The following HARS2 variants were observed in gnomAD, a reference collection of about 807,000 sequenced individuals.
HARS2 encodes the protein histidine--tRNA ligase, mitochondrial.
Under a neutral mutation model 62.4 loss-of-function variants are expected in HARS2, and 40 were observed. The ratio of observed to expected loss-of-function variants is 0.64; its 90% CI spans 0.50 to 0.83. HARS2 has a LOEUF of 0.83. Among genes scored for constraint, HARS2 ranks in the 40% least tolerant of loss-of-function variants. The pLI, the probability that HARS2 is intolerant of heterozygous loss-of-function variation, is 0.00. For synonymous variants in HARS2, 228 were observed against 227.0 expected (o/e 1.00, Z -0.04); for missense variants, 569 against 626.4 (o/e 0.91, Z 0.98).
At position 140,698,041 on chromosome 5, in the gene HARS2, G is replaced by C; in HGVS notation, c.1424G>C (p.Gly475Ala). 1 of 1,614,184 alleles carries C rather than the reference G, an allele frequency of 6.2e-7. No individual in the cohort carries two copies. The highest frequency in any genetic ancestry group is 1.1e-5 in the South Asian group (1 of 91,084). Residue 475 changes from glycine (G) to alanine (A), a missense_variant, in exon 12 of 13, where the codon GGG becomes GCG. By Grantham distance (60) the Gly-to-Ala change is moderately conservative (BLOSUM62 0). Transcript: ENST00000230771. ...VIIGEQELKE[G>A]VIKIRSVASR... ...ATTGGTGAGCAAGAACTGAAAGAAG[G>C]GGTCATCAAGATCCGTTCAGTGGCC...
rs1581552832 is a variant in HARS2, at chr5:140,697,501, G to C, written c.1198-68G>C. On this transcript the variant is annotated intron_variant, in intron 10 of 12. Transcript: ENST00000230771. ...GAGTGGTTTTCTGATGATTCTTTTTGTCTTGATTTTTGGAATTGCTGGTGG... is the reference window on the plus strand; with the variant it reads ...GAGTGGTTTTCTGATGATTCTTTTTCTCTTGATTTTTGGAATTGCTGGTGG... The C allele has an allele frequency of 4.4e-6, 7 of 1,604,970 alleles. No individual in the cohort carries two copies. The East Asian group carries it at 1.3e-4, about 31-fold the overall frequency.
rs776244877 is a variant in HARS2 at position 140,695,758 on chromosome 5, G to C, written c.546G>C (p.Gln182His). 8 of 1,613,854 alleles carry C rather than the reference G, an allele frequency of 5.0e-6. No homozygotes were observed. Among genetic ancestry groups the C allele is most frequent in the Non-Finnish European group, 6.8e-6 (8 of 1,179,822 alleles). ...FCQCDFDIAG[Q>H]FDPMIPDAEC... ...TGTAGGATTTTGACATTGCTGGTCAGTTTGACCCTATGATCCCCGATGCAG... is the reference window on the plus strand; with the variant it reads ...TGTAGGATTTTGACATTGCTGGTCACTTTGACCCTATGATCCCCGATGCAG... Residue 182 changes from glutamine (Q) to histidine (H), a missense_variant, in exon 6 of 13, where the codon CAG becomes CAC. Transcript: ENST00000230771.
chr5:140,693,580 T>C lies in HARS2; in HGVS notation c.109-11T>C, dbSNP rs1387906761. On this transcript the variant is annotated splice_polypyrimidine_tract_variant and intron_variant, in intron 1 of 12. Coordinates refer to ENST00000230771, the MANE Select transcript of HARS2 (RefSeq NM_012208.4). Reference sequence around the variant, plus strand: ...CAGAGAAGCCACATCTCACATTCATTCTTCTGCCAGGTTGCAGAGGCAGTG... The same window carrying C: ...CAGAGAAGCCACATCTCACATTCATCCTTCTGCCAGGTTGCAGAGGCAGTG... 5.0e-6 allele frequency: 8 copies of C among 1,614,012 alleles called. No homozygotes were observed. Among genetic ancestry groups the C allele is most frequent in the Non-Finnish European group, 6.8e-6 (8 of 1,179,922 alleles).
intron 1 of HARS2, chr5:140,693,376 G>A: frequency 1.1e-6 from 1 of 907,000 alleles, no homozygotes; most frequent in Non-Finnish European, 1.7e-6. Flanking sequence ...AGCTTGTGTG[G>A]TGAAGACCTG....
rs1410624157 is a variant in HARS2, at chr5:140,691,706, C to T, written c.58C>T (p.Leu20=). The change falls in exon 1 of 13, where the codon CTG becomes TTG. Residue 20 remains leucine, a synonymous_variant. Coordinates refer to ENST00000230771, the MANE Select transcript of HARS2 (RefSeq NM_012208.4). ...CTGGGCTTCGCTGCTCAGCCAGCTC[C>T]TGCGACCGCCCTGCGCTTCGTGCAC... ...RAWASLLSQL[L]RPPCASCTGA... The T allele has an allele frequency of 1.9e-6, 3 of 1,552,692 alleles. No individual in the cohort carries two copies. In the Admixed American group the frequency reaches 5.8e-5, roughly 30 times the overall value.
At chr5:140,696,298 G>C in intron 7 of HARS2, 97 bp downstream of exon 7, 2 of 989,968 alleles carry the variant, frequency 2.0e-6, no homozygotes, top group Non-Finnish European at 3.2e-6. Flanking sequence ...GTGGCTGGAA[G>C]TGGGCTATTT....
Position 140,695,426 on chromosome 5 carries a change from C to CAGTTGATAT in HARS2, c.400-80_400-79insTTGATATAG, listed in dbSNP as rs56372992. 0.43 allele frequency: 644,719 copies of CAGTTGATAT among 1,495,032 alleles called. 140,644 individuals are homozygous for CAGTTGATAT. The highest frequency in any genetic ancestry group is 0.46 in the East Asian group (20,544 of 44,198). The allele number at this position is 1,495,032 out of a possible 1,614,324, so 92.6% of individuals were successfully genotyped here. On this transcript the variant is annotated intron_variant, in intron 4 of 12. Coordinates refer to ENST00000230771, the MANE Select transcript of HARS2 (RefSeq NM_012208.4). ...TGTTCTTACCCTAGTGGATGAGATC[C>CAGTTGATAT]AGGCCCAGTCCTCCCTAATGTCTGT...
chr5:140,694,212 G>T lies in HARS2; in HGVS notation c.331G>T (p.Asp111Tyr), dbSNP rs750638675. 2 of 1,613,718 alleles carry T rather than the reference G, an allele frequency of 1.2e-6. No homozygotes were observed. The highest frequency in any genetic ancestry group is 1.7e-6 in the Non-Finnish European group (2 of 1,179,600). Residue 111 changes from aspartate (D) to tyrosine (Y), a missense_variant, in exon 4 of 13, where the codon GAC (aspartate) becomes TAC (tyrosine). Coordinates refer to ENST00000230771, the MANE Select transcript of HARS2 (RefSeq NM_012208.4). Reference sequence around the variant, plus strand: ...AACCCTGACTGAGAAGTATGGAGAGGACTCTGGGCTCATGTATGATCTGAA... The same window carrying T: ...AACCCTGACTGAGAAGTATGGAGAGTACTCTGGGCTCATGTATGATCTGAA... Reference protein sequence around the residue: ...KETLTEKYGEDSGLMYDLKDQ... With the variant: ...KETLTEKYGEYSGLMYDLKDQ...
rs751366126 is a variant in HARS2 at position 140,693,957 on chromosome 5, A to G, written c.206A>G (p.Gln69Arg). The G allele has an allele frequency of 5.6e-6, 9 of 1,614,032 alleles. No individual in the cohort carries two copies. Among genetic ancestry groups the G allele is most frequent in the Non-Finnish European group, 7.6e-6 (9 of 1,179,952 alleles). ...TPKGTRDLSP[Q>R]HMVVREKILD... Reference sequence around the variant, plus strand: ...CAGGGTACCAGGGATCTTAGTCCTCAGCATATGGTTGTGAGGGAGAAAATT... The same window carrying G: ...CAGGGTACCAGGGATCTTAGTCCTCGGCATATGGTTGTGAGGGAGAAAATT... Residue 69 changes from glutamine (Q) to arginine (R), a missense_variant, in exon 3 of 13, where the codon CAG becomes CGG. Transcript: ENST00000230771.
chr5:140,697,745 A>C (rs1401593019), intron 11 of HARS2, 60 bp downstream of exon 11: 8 of 1,310,602 alleles, frequency 6.1e-6, no homozygotes, highest in Non-Finnish European at 8.9e-6. Context: ...ACCCAGGGCT[A>C]TATCTATCTT....
intron 2 of HARS2, 126 bp from the exon 3 acceptor site, chr5:140,693,809 A>T: frequency 8.0e-7 from 1 of 1,247,346 alleles, no homozygotes. Flanking sequence ...TGCGGCTCAG[A>T]GTCATTTGAA....
intron 3 of HARS2, 33 bp downstream of exon 3, chr5:140,694,087 A>G: frequency 6.2e-7 from 1 of 1,613,206 alleles, no homozygotes; most frequent in Non-Finnish European, 8.5e-7. Context: ...GTGCAACCTC[A>G]CTCACTTCTT....
chr5:140,698,471 T>C, intron 12 of HARS2, 22 bp from the exon 13 acceptor site: 2 of 1,573,368 alleles, frequency 1.3e-6, no homozygotes, highest in South Asian at 2.2e-5. Context: ...GTTTATCACA[T>C]GAGGATTCTC....
chr5:140,696,613 T>C lies in HARS2; in HGVS notation c.825T>C (p.His275=). ...ADRIGDYVQC[H]GGVSLVEQMF... is the part of the protein sequence containing the mutation. Reference sequence around the variant, plus strand: ...GAATTGGGGACTATGTCCAGTGTCATGGTAAGAACCAGGGTTTTCAGAGCT... The same window carrying C: ...GAATTGGGGACTATGTCCAGTGTCACGGTAAGAACCAGGGTTTTCAGAGCT... Residue 275 remains histidine (H), a splice_region_variant and synonymous_variant, in exon 8 of 13, where the codon CAT becomes CAC. Transcript: ENST00000230771. 1.2e-6 allele frequency: 2 copies of C among 1,602,126 alleles called. No individual in the cohort carries two copies. The highest frequency in any genetic ancestry group is 1.7e-6 in the Non-Finnish European group (2 of 1,169,014).
At chr5:140,693,485 G>C in intron 1 of HARS2, 106 bp from the exon 2 acceptor site, 1 of 1,599,246 alleles carries the variant, frequency 6.3e-7, no homozygotes, top group Non-Finnish European at 8.5e-7. Context: ...GCTTCCTGTT[G>C]CTCAGGGTGA....
intron 1 of HARS2, 162 bp from the exon 2 acceptor site, chr5:140,693,429 T>C (rs1759615757): frequency 1.4e-6 from 2 of 1,397,626 alleles, no homozygotes; most frequent in Middle Eastern, 3.8e-4. Flanking sequence ...ACAACATAGA[T>C]TCTTTGGGGT....
chr5:140,697,747 A>G, intron 11 of HARS2, 62 bp downstream of exon 11: 2 of 1,298,906 alleles, frequency 1.5e-6, no homozygotes, highest in African/African-American at 1.4e-5. Context: ...CCAGGGCTAT[A>G]TCTATCTTAT....
Position 140,695,570 on chromosome 5 carries a change from A to G in HARS2, c.462A>G (p.Gly154=), listed in dbSNP as rs780844020. 7.4e-6 allele frequency: 12 copies of G among 1,614,064 alleles called. No individual in the cohort carries two copies. Among genetic ancestry groups the G allele is most frequent in the Non-Finnish European group, 7.6e-6 (9 of 1,180,030 alleles). ...AGAAGATGAAACGTTATCATGTTGG[A>G]AAGGTGTGGCGGCGAGAGAGCCCAA... ...KVKKMKRYHV[G]KVWRRESPTI... Residue 154 remains glycine, a synonymous_variant, in exon 5 of 13, where the codon GGA becomes GGG. Coordinates refer to ENST00000230771, the MANE Select transcript of HARS2 (RefSeq NM_012208.4).
intron 1 of HARS2, chr5:140,692,110 A>G (rs1759519643): frequency 3.7e-6 from 1 of 273,254 alleles, no homozygotes. Flanking sequence ...GAATATTCCT[A>G]GTAAATGAGA....
Sources: gnomAD v4.1 joint callset for allele counts on GRCh38, gnomAD v4.1.1 for gene constraint, MANE v1.5 for transcripts, NCBI Gene and HGNC (gene_info 2026-07-23, HGNC 2026-07-21) for gene names.